The following PLCB1 variants were observed in gnomAD, a reference collection of about 807,000 sequenced individuals.
The protein encoded by PLCB1 is phospholipase C beta 1.
A neutral mutation model predicts 161.8 loss-of-function variants in PLCB1; 46 were observed. The observed-to-expected ratio is 0.28, with a 90% confidence interval of 0.22 to 0.36. PLCB1 has a LOEUF of 0.36. PLCB1 is among the 10% of genes least tolerant of loss of function. The pLI is 1.00. For missense variants in PLCB1, 1,016 were observed against 1,472.5 expected, an observed-to-expected ratio of 0.69 and a Z score of 5.07; for synonymous variants, 517 against 503.7, an observed-to-expected ratio of 1.03 and a Z score of -0.35.
chr20:8,874,225 T>TACACAC (rs56986559), intron 31 of PLCB1, among the ~76,000 whole-genome samples: 28,475 of 132,380 alleles, frequency 0.22, 3,209 homozygotes, highest in Middle Eastern at 0.32. Context: ...TATGTGTATG[T>TACACAC]ACACACACAC....
chr20:8,455,432 CTTTTT>C (rs1175763739), intron 3 of PLCB1, among the ~76,000 whole-genome samples: 5 of 74,164 alleles, frequency 6.7e-5, no homozygotes, highest in Middle Eastern at 0.013. Flanking sequence ...TATTCTTCCT[CTTTTT>C]TTTTTTTTTT....
chr20:8,553,245 G>C (rs544961183), intron 3 of PLCB1, among the ~76,000 whole-genome samples: 2 of 152,208 alleles, frequency 1.3e-5, no homozygotes, highest in Non-Finnish European at 2.9e-5. Flanking sequence ...GCAATTTCAG[G>C]GTTCCTTTTG....
intron 2 of PLCB1, among the ~76,000 whole-genome samples, chr20:8,218,521 C>T (rs6118122): frequency 0.012 from 1,845 of 152,166 alleles, 40 homozygotes; most frequent in African/African-American, 0.042. Context: ...TCCTCAGTTA[C>T]CTCTAATGTA....
At chr20:8,539,633 T>TTTCTTTCTTTCTTTCTTTCC (rs1568499406) in intron 3 of PLCB1, among the ~76,000 whole-genome samples, 12 of 87,198 alleles carry the variant, frequency 1.4e-4, no homozygotes, top group African/African-American at 4.9e-4. Flanking sequence ...TCTTTCTTTC[T>TTTCTTTCTTTCTTTCTTTCC]TTCTTTCTTT....
At chr20:8,594,069 G>A (rs1259977465) in intron 3 of PLCB1, among the ~76,000 whole-genome samples, 1 of 151,988 alleles carries the variant, frequency 6.6e-6, no homozygotes, top group South Asian at 2.1e-4. Context: ...TTTTGTTATA[G>A]ACAGGGTCTT....
chr20:8,742,349 A>T (rs569765162), intron 23 of PLCB1, among the ~76,000 whole-genome samples: 1 of 152,292 alleles, frequency 6.6e-6, no homozygotes, highest in South Asian at 2.1e-4. Context: ...GTATTGGGGG[A>T]AAAAACCTTG....
At chr20:8,874,216 ATGTG>A (rs964719910) in intron 31 of PLCB1, among the ~76,000 whole-genome samples, 2 of 123,570 alleles carry the variant, frequency 1.6e-5, no homozygotes, top group Non-Finnish European at 3.4e-5. Flanking sequence ...ATTTATATAT[ATGTG>A]TATGTACACA....
intron 31 of PLCB1, among the ~76,000 whole-genome samples, chr20:8,821,860 A>G (rs1985445868): frequency 6.6e-6 from 1 of 151,578 alleles, no homozygotes; most frequent in Non-Finnish European, 1.5e-5. Context: ...CTATACTTCC[A>G]CTGTTCCAGC....
intron 4 of PLCB1, among the ~76,000 whole-genome samples, chr20:8,629,104 C>T (rs1424388970): frequency 5.9e-5 from 9 of 152,090 alleles, no homozygotes; most frequent in Non-Finnish European, 1.0e-4. Flanking sequence ...CAGCTCTCTC[C>T]TAGGGGACAG....
At chr20:8,600,390 G>GA (rs1987515136) in intron 3 of PLCB1, among the ~76,000 whole-genome samples, 1 of 128,978 alleles carries the variant, frequency 7.8e-6, no homozygotes, top group Non-Finnish European at 1.7e-5. Flanking sequence ...CTGCTGGGGG[G>GA]TGCCTCCCAG....
chr20:8,590,692 A>C (rs1282717670), intron 3 of PLCB1, among the ~76,000 whole-genome samples: 1 of 152,170 alleles, frequency 6.6e-6, no homozygotes, highest in Non-Finnish European at 1.5e-5. Flanking sequence ...CTTCAAAGGC[A>C]GCAAGATTAG....
chr20:8,849,457 C>T (rs1986810927), intron 31 of PLCB1, among the ~76,000 whole-genome samples: 2 of 151,752 alleles, frequency 1.3e-5, no homozygotes, highest in African/African-American at 4.8e-5. Flanking sequence ...AGGCAGATCA[C>T]CTGAGGTCAG....
At chr20:8,722,067 C>T (rs1185041899) in intron 14 of PLCB1, among the ~76,000 whole-genome samples, 1 of 151,954 alleles carries the variant, frequency 6.6e-6, no homozygotes, top group Admixed American at 6.6e-5. Flanking sequence ...TTCAATGCCA[C>T]GTGTTTAAAA....
intron 1 of PLCB1, among the ~76,000 whole-genome samples, chr20:8,139,329 C>T (rs548670969): frequency 2.2e-4 from 33 of 152,116 alleles, no homozygotes; most frequent in African/African-American, 7.0e-4. Flanking sequence ...CTCCTGACCT[C>T]GGGTAATCTG....
At chr20:8,854,753 A>G (rs1197102813) in intron 31 of PLCB1, among the ~76,000 whole-genome samples, 2 of 152,210 alleles carry the variant, frequency 1.3e-5, no homozygotes, top group East Asian at 3.9e-4. Context: ...TCACGTCTCC[A>G]CGCTGGCGAA....
intron 14 of PLCB1, among the ~76,000 whole-genome samples, chr20:8,721,372 T>G (rs932189381): frequency 2.6e-5 from 4 of 152,242 alleles, no homozygotes; most frequent in African/African-American, 7.2e-5. Flanking sequence ...TTTAGAACTT[T>G]CGAACCATTT....
intron 26 of PLCB1, among the ~76,000 whole-genome samples, chr20:8,773,529 G>C (rs6056093): frequency 6.6e-6 from 1 of 152,034 alleles, no homozygotes; most frequent in Non-Finnish European, 1.5e-5. Flanking sequence ...ATACTGCTAA[G>C]AGGAAGCATT....
rs373131846 is a variant in PLCB1, at chr20:8,230,444, TAAAC to T, written c.177+80076_177+80079del. Reference sequence around the variant, plus strand: ...CAAATCTCTCCTAGCTATTTTGAAATAAACAATATATACAATGTATCATTGTTAG... The same window carrying T: ...CAAATCTCTCCTAGCTATTTTGAAATAATATATACAATGTATCATTGTTAG... On this transcript the variant is annotated intron_variant, in intron 2 of 31. Coordinates refer to ENST00000338037, the MANE Select transcript of PLCB1 (RefSeq NM_015192.4). Among the ~76,000 whole-genome samples, 1,189 of 152,272 alleles carry T rather than the reference TAAAC, an allele frequency of 7.8e-3. 14 individuals carry two copies. Among genetic ancestry groups the T allele is most frequent in the African/African-American group, 0.026 (1,090 of 41,554 alleles).
chr20:8,722,798 T>C (rs1312050892), intron 15 of PLCB1, among the ~76,000 whole-genome samples: 1 of 152,156 alleles, frequency 6.6e-6, no homozygotes, highest in East Asian at 1.9e-4. Flanking sequence ...CAAAAGTTTA[T>C]ACTGAAACAA....
Sources: allele counts gnomAD v4.1 joint callset (sites outside exome capture counted in the v4.1 genomes callset), GRCh38; gene constraint gnomAD v4.1.1; transcripts MANE v1.5; gene names NCBI Gene and HGNC (gene_info 2026-07-23, HGNC 2026-07-21).